Variants in PPP1R12C observed in about 807,000 individuals in gnomAD.
PPP1R12C encodes the protein protein phosphatase 1 regulatory subunit 12C.
PPP1R12C carries 48 observed loss-of-function variants against 95.6 expected under a neutral mutation model. The ratio of observed to expected loss-of-function variants is 0.50; its 90% CI spans 0.40 to 0.64. The LOEUF (loss-of-function observed/expected upper bound fraction) is 0.64, where lower values mean the gene tolerates loss of function less well. PPP1R12C is among the 30% of genes least tolerant of loss of function. The probability of loss-of-function intolerance (pLI) is 0.00; values close to 1 mark genes in which losing one functional copy is unlikely to be tolerated. For synonymous variants in PPP1R12C, 480 were observed against 460.8 expected, an observed-to-expected ratio of 1.04 and a Z score of -0.53; for missense variants, 1,057 against 1,083.3, an observed-to-expected ratio of 0.98 and a Z score of 0.34.
At chr19:55,112,607 G>A (rs2085109850) in intron 2 of PPP1R12C, 22 bp from the exon 3 acceptor site, 2 of 1,612,472 alleles carry the variant, frequency 1.2e-6, no homozygotes, top group Non-Finnish European at 1.7e-6. Flanking sequence ...GGCTGGTCAG[G>A]GCTGAGGGTC....
At chr19:55,115,554 C>T (rs2085144776) in intron 1 of PPP1R12C, 1 of 152,056 alleles carries the variant, frequency 6.6e-6, no homozygotes, top group African/African-American at 2.4e-5. Flanking sequence ...CTCCCACCCC[C>T]TGCCAAGCTC....
chr19:55,112,647 G>T lies in PPP1R12C; in HGVS notation c.452+18C>A, dbSNP rs373959170. On this transcript the variant is annotated intron_variant, in intron 2 of 21. Transcript: ENST00000263433. ...CCCCCACCCCGACCAGGTCCTGCCC[G>T]GCCCTCCCTTGCCTCACCTGGCGAT... 1 of 1,612,944 alleles carries T rather than the reference G, an allele frequency of 6.2e-7. No homozygotes were observed. The highest frequency in any genetic ancestry group is 2.2e-5 in the East Asian group (1 of 44,864).
intron 3 of PPP1R12C, among the ~76,000 whole-genome samples, chr19:55,107,783 G>C (rs1397426735): frequency 6.6e-6 from 1 of 151,560 alleles, no homozygotes; most frequent in African/African-American, 2.4e-5. Flanking sequence ...CATGGCACAT[G>C]TATACATATG....
rs748801901 is a variant in PPP1R12C, at chr19:55,094,652, C to A, written c.1592+9G>T. 5.7e-6 allele frequency: 9 copies of A among 1,578,306 alleles called. No individual in the cohort carries two copies. Among genetic ancestry groups the A allele is most frequent in the South Asian group, 4.7e-5 (4 of 85,830 alleles). On this transcript the variant is annotated intron_variant, in intron 12 of 21. Coordinates refer to ENST00000263433, the MANE Select transcript of PPP1R12C (RefSeq NM_017607.4). ...CGGGGGCGGCAGCTTCCTGCCCTGG[C>A]CTCTTCACCTCCGTCGGTCCCGGGA...
At chr19:55,113,402 G>A in intron 1 of PPP1R12C, 1 of 1,479,822 alleles carries the variant, frequency 6.8e-7, no homozygotes, top group Non-Finnish European at 8.9e-7. Context: ...CTGTGTGCCT[G>A]GGCCCCAGGC....
chr19:55,103,563 C>T lies in PPP1R12C; in HGVS notation c.577G>A (p.Asp193Asn). The change falls in exon 4 of 22, where the codon GAT becomes AAT. Residue 193 changes from aspartate (D) to asparagine (N), a missense_variant. Physicochemically the swap from Asp to Asn is conservative, Grantham distance 23 (BLOSUM62 1). Coordinates refer to ENST00000263433, the MANE Select transcript of PPP1R12C (RefSeq NM_017607.4). ...LKAEIARRGV[D>N]VEAAKRAEEE... ...TCTGCCCGCTTGGCTGCTTCCACAT[C>T]CACACCTAGGAGGATAAGAGGCACG... 1 of 1,579,684 alleles carries T rather than the reference C, an allele frequency of 6.3e-7. No individual in the cohort carries two copies. The highest frequency in any genetic ancestry group is 8.6e-7 in the Non-Finnish European group (1 of 1,156,084).
Position 55,117,290 on chromosome 19 carries a change from G to GCGGGGTCGAGCTCGGCGCCGGGGC in PPP1R12C, c.230_253dup (p.Gly77_Pro84dup). On this transcript the variant is annotated inframe_insertion, in exon 1 of 22. Coordinates refer to ENST00000263433, the MANE Select transcript of PPP1R12C (RefSeq NM_017607.4). ...CACGGCGCGGGCGGGCGGCGGCGCG[G>GCGGGGTCGAGCTCGGCGCCGGGGC]CGGGGTCGAGCTCGGCGCCGGGGCC... The GCGGGGTCGAGCTCGGCGCCGGGGC allele has an allele frequency of 8.2e-7, 1 of 1,216,542 alleles. No individual in the cohort carries two copies. The highest frequency in any genetic ancestry group is 1.0e-6 in the Non-Finnish European group (1 of 979,504). 75.4% of individuals were successfully genotyped at this position (1,216,542 alleles called of 1,614,324 possible). A position where few individuals can be genotyped will look rare whatever the true frequency, so the allele number is the denominator to read the frequency against.
chr19:55,100,239 C>A lies in PPP1R12C; in HGVS notation c.732-1144G>T, dbSNP rs139025486. On this transcript the variant is annotated intron_variant, in intron 4 of 21. Coordinates refer to ENST00000263433, the MANE Select transcript of PPP1R12C (RefSeq NM_017607.4). ...CATCACACTTGTCTTCTCCCATAACCCTATTTATATCTTAAGCCAGCAGTT... is the reference window on the plus strand; with the variant it reads ...CATCACACTTGTCTTCTCCCATAACACTATTTATATCTTAAGCCAGCAGTT... Among the ~76,000 whole-genome samples the A allele has an allele frequency of 3.0e-3, 454 of 152,328 alleles. 3 individuals are homozygous for A. Among genetic ancestry groups the A allele is most frequent in the Middle Eastern group, 0.024 (7 of 294 alleles).
At chr19:55,102,699 A>C (rs559698063) in intron 4 of PPP1R12C, among the ~76,000 whole-genome samples, 2 of 152,348 alleles carry the variant, frequency 1.3e-5, no homozygotes, top group South Asian at 2.1e-4. Context: ...GAAGCACTAC[A>C]AATAAAACAG....
intron 4 of PPP1R12C, among the ~76,000 whole-genome samples, chr19:55,099,608 G>A (rs1024903939): frequency 1.3e-5 from 2 of 152,138 alleles, no homozygotes; most frequent in Non-Finnish European, 2.9e-5. Context: ...ATAACTTAGG[G>A]CAAGGGTTAG....
Position 55,098,987 on chromosome 19 carries a change from G to C in PPP1R12C, c.840C>G (p.Ala280=), listed in dbSNP as rs759762693. The C allele has an allele frequency of 1.3e-6, 2 of 1,562,712 alleles. No individual in the cohort carries two copies. Among genetic ancestry groups the C allele is most frequent in the Non-Finnish European group, 1.7e-6 (2 of 1,153,742 alleles). ...WGVEDACRLL[A]EHGGGMDSLT... is the part of the protein sequence containing the mutation. ...GTGAGTCCATGCCCCCGCCATGCTC[G>C]GCCAGCAGGCGGCAGGCATCCTCCA... The change falls in exon 5 of 22, where the codon GCC becomes GCG. Residue 280 remains alanine (A), a synonymous_variant. Coordinates refer to ENST00000263433, the MANE Select transcript of PPP1R12C (RefSeq NM_017607.4).
At chr19:55,113,907 G>C in intron 1 of PPP1R12C, 1 of 164,414 alleles carries the variant, frequency 6.1e-6, no homozygotes, top group East Asian at 1.7e-4. Context: ...CCTGAGGCCT[G>C]GGCACCAGGG....
Position 55,093,058 on chromosome 19 carries a change from G to A in PPP1R12C, c.1783C>T (p.Arg595Cys), listed in dbSNP as rs774121657. The A allele has an allele frequency of 1.8e-5, 29 of 1,601,212 alleles. No individual in the cohort carries two copies. Among genetic ancestry groups the A allele is most frequent in the Middle Eastern group, 1.7e-4 (1 of 5,996 alleles). ...AQSLDPSRRPRVPGVENSDSP... is the reference protein window; with the variant it reads ...AQSLDPSRRPCVPGVENSDSP... ...TCAGAGTTCTCCACTCCAGGGACGC[G>A]GGGCCTTCGGGAAGGGTCCTGTCGG... The change falls in exon 15 of 22, where the codon CGC (arginine) becomes TGC (cysteine). Residue 595 changes from arginine to cysteine, a missense_variant. Coordinates refer to ENST00000263433, the MANE Select transcript of PPP1R12C (RefSeq NM_017607.4).
At chr19:55,096,404 A>G in intron 6 of PPP1R12C, 69 bp from the exon 7 acceptor site, 1 of 1,531,410 alleles carries the variant, frequency 6.5e-7, no homozygotes, top group Admixed American at 1.7e-5. Flanking sequence ...ACCACCACAA[A>G]CAGCTGTGCA....
intron 6 of PPP1R12C, 70 bp downstream of exon 6, chr19:55,098,714 C>G: frequency 6.3e-7 from 1 of 1,589,690 alleles, no homozygotes. Context: ...GGTTCCCCCT[C>G]TGCACCCTCC....
Position 55,096,151 on chromosome 19 carries a change from G to A in PPP1R12C, c.1053C>T (p.Arg351=), listed in dbSNP as rs1331350160. ...RRSSVCRLSS[R]EKISLQDLSK... ...ACAAGTCCTGGAGGGAAATCTTCTC[G>A]CGACTGCTCAGACGACACACAGAGC... is the stretch of plus-strand genomic sequence containing the variant. The change falls in exon 8 of 22, where the codon CGC becomes CGT. Residue 351 remains arginine, a synonymous_variant. Coordinates refer to ENST00000263433, the MANE Select transcript of PPP1R12C (RefSeq NM_017607.4). The A allele has an allele frequency of 2.5e-6, 4 of 1,600,826 alleles. No homozygotes were observed. Among genetic ancestry groups the A allele is most frequent in the South Asian group, 1.1e-5 (1 of 90,100 alleles).
intron 6 of PPP1R12C, chr19:55,097,139 G>A (rs2084925673): frequency 5.1e-6 from 1 of 195,578 alleles, no homozygotes; most frequent in African/African-American, 4.3e-5. Context: ...CCTTCCCCAC[G>A]CAGTTCACCA....
In PPP1R12C at chr19:55,112,585, C is replaced by T; in HGVS notation, c.453G>A (p.Arg151=). Residue 151 remains arginine, a splice_region_variant and synonymous_variant, in exon 3 of 22, where the codon AGG becomes AGA. Transcript: ENST00000263433. ...AASCGYLDIA[R]YLLSHGANIA... Reference sequence around the variant, plus strand: ...TGTTGGCCCCGTGGCTCAGGAGGTACCTGGGGGTGGGGGCTGGTCAGGGCT... The same window carrying T: ...TGTTGGCCCCGTGGCTCAGGAGGTATCTGGGGGTGGGGGCTGGTCAGGGCT... 1 of 1,613,194 alleles carries T rather than the reference C, an allele frequency of 6.2e-7. No homozygotes were observed. The highest frequency in any genetic ancestry group is 8.5e-7 in the Non-Finnish European group (1 of 1,179,596).
intron 1 of PPP1R12C, chr19:55,113,204 C>T (rs1048146858): frequency 4.0e-6 from 2 of 505,084 alleles, no homozygotes; most frequent in Non-Finnish European, 6.9e-6. Context: ...AGTCCTGGCC[C>T]CCAGCCCCTC....
Sources: allele counts gnomAD v4.1 joint callset (sites outside exome capture counted in the v4.1 genomes callset), GRCh38; gene constraint gnomAD v4.1.1; transcripts MANE v1.5; gene names NCBI Gene and HGNC (gene_info 2026-07-23, HGNC 2026-07-21).